The following MECOM variants were observed in gnomAD, a reference collection of about 807,000 sequenced individuals.
The protein encoded by MECOM is histone-lysine N-methyltransferase MECOM.
MECOM carries 13 observed loss-of-function variants against 116.3 expected under a neutral mutation model. The observed-to-expected ratio is 0.11, with a 90% CI of 0.07 to 0.18. MECOM has a LOEUF of 0.18. Ranked by LOEUF, MECOM falls within the 10% of genes least tolerant of loss-of-function variation. The pLI is 1.00. For synonymous variants in MECOM, 528 were observed against 535.2 expected, an observed-to-expected ratio of 0.99 and a Z score of 0.19; for missense variants, 1,299 against 1,509.0, an observed-to-expected ratio of 0.86 and a Z score of 2.31.
chr3:169,424,808 T>C (rs1032513142), intron 1 of MECOM, among the ~76,000 whole-genome samples: 1 of 152,204 alleles, frequency 6.6e-6, no homozygotes, highest in African/African-American at 2.4e-5. Context: ...TCTATTTTCC[T>C]GACATACTAG....
chr3:169,130,914 C>T (rs1734485075), intron 4 of MECOM, among the ~76,000 whole-genome samples: 1 of 151,994 alleles, frequency 6.6e-6, no homozygotes, highest in African/African-American at 2.4e-5. Context: ...TAGAATAGGC[C>T]TCTGGCAAAT....
chr3:169,370,632 AG>A (rs564543776), intron 2 of MECOM, among the ~76,000 whole-genome samples: 29 of 152,136 alleles, frequency 1.9e-4, no homozygotes, highest in Non-Finnish European at 3.7e-4. Context: ...ATATCTGGTA[AG>A]GGGCCAATAT....
chr3:169,131,448 A>T lies in MECOM; in HGVS notation c.594T>A (p.Thr198=). 6.2e-7 allele frequency: 1 copy of T among 1,614,056 alleles called. No individual in the cohort carries two copies. The highest frequency in any genetic ancestry group is 8.5e-7 in the Non-Finnish European group (1 of 1,180,004). ...FMKSEDYPHE[T]MAPDIHEERQ... is the part of the protein sequence containing the mutation. ...ACTAACCGTGGATATCCGGCGCCAT[A>T]GTTTCATGGGGATAGTCTTCGCTCT... Residue 198 remains threonine, a synonymous_variant, in exon 4 of 17, where the codon ACT becomes ACA. Coordinates refer to ENST00000651503, the MANE Select transcript of MECOM (RefSeq NM_004991.4).
At chr3:169,345,907 C>T (rs1450649386) in intron 2 of MECOM, among the ~76,000 whole-genome samples, 1 of 152,060 alleles carries the variant, frequency 6.6e-6, no homozygotes, top group Non-Finnish European at 1.5e-5. Context: ...CTGGTGAAAA[C>T]AATGAAAGCC....
At position 169,663,447 on chromosome 3, in the gene MECOM, C is replaced by A. The variant is rs1776588587; in HGVS notation, c.-75G>T. 7.0e-7 allele frequency: 1 copy of A among 1,424,538 alleles called. No individual in the cohort carries two copies. The highest frequency in any genetic ancestry group is 1.2e-5 in the South Asian group (1 of 81,474). 88.2% of individuals were successfully genotyped at this position (1,424,538 alleles called of 1,614,324 possible). ...TTGGATCCTTTCCTTCTTTTGCTCT[C>A]CCTCTCGCTCCCTCCCTCTCTCTCC... is the stretch of plus-strand genomic sequence containing the variant. On this transcript the variant is annotated 5_prime_UTR_variant, in exon 1 of 17. Transcript: ENST00000651503.
chr3:169,146,455 A>G, intron 2 of MECOM: 1 of 1,386,706 alleles, frequency 7.2e-7, no homozygotes, highest in Non-Finnish European at 9.6e-7. Flanking sequence ...AAAGAGGCCG[A>G]CAAGCCGGCA....
intron 1 of MECOM, among the ~76,000 whole-genome samples, chr3:169,615,241 C>A (rs1769854833): frequency 6.6e-6 from 1 of 152,200 alleles, no homozygotes; most frequent in African/African-American, 2.4e-5. Flanking sequence ...TCTCCTCTAG[C>A]CAACTATAAA....
intron 2 of MECOM, among the ~76,000 whole-genome samples, chr3:169,333,021 T>C (rs1435197697): frequency 2.6e-5 from 4 of 152,180 alleles, no homozygotes; most frequent in East Asian, 3.8e-4. Context: ...TAGAAAAATA[T>C]GATATTCTAA....
At chr3:169,595,307 A>G (rs1446600590) in intron 1 of MECOM, among the ~76,000 whole-genome samples, 4 of 152,192 alleles carry the variant, frequency 2.6e-5, no homozygotes, top group African/African-American at 4.8e-5. Context: ...CATACTACCC[A>G]CCAACGACTA....
At chr3:169,366,070 C>T (rs963180176) in intron 2 of MECOM, among the ~76,000 whole-genome samples, 5 of 152,052 alleles carry the variant, frequency 3.3e-5, no homozygotes, top group African/African-American at 1.2e-4. Flanking sequence ...CTCTTGCTCT[C>T]TGGTTCTCTC....
intron 2 of MECOM, among the ~76,000 whole-genome samples, chr3:169,215,265 CAG>C (rs1751281558): frequency 8.1e-6 from 1 of 123,762 alleles, no homozygotes; most frequent in African/African-American, 3.1e-5. Context: ...TTTAAAAAAG[CAG>C]ACTTTCTTCA....
At chr3:169,450,213 C>T (rs924637916) in intron 1 of MECOM, among the ~76,000 whole-genome samples, 2 of 152,154 alleles carry the variant, frequency 1.3e-5, no homozygotes, top group African/African-American at 4.8e-5. Flanking sequence ...ATGCTCAAGA[C>T]ACTAACGTAA....
At chr3:169,345,897 C>G (rs1725261965) in intron 2 of MECOM, among the ~76,000 whole-genome samples, 1 of 152,104 alleles carries the variant, frequency 6.6e-6, no homozygotes, top group Admixed American at 6.6e-5. Flanking sequence ...AGAGTCAACA[C>G]TGGTGAAAAC....
At chr3:169,313,813 G>T (rs61550744) in intron 2 of MECOM, among the ~76,000 whole-genome samples, 5 of 152,164 alleles carry the variant, frequency 3.3e-5, no homozygotes, top group Non-Finnish European at 7.4e-5. Context: ...ACTAGAGCTT[G>T]GGAATGGCCA....
At chr3:169,204,259 T>C (rs1238740633) in intron 2 of MECOM, among the ~76,000 whole-genome samples, 2 of 152,206 alleles carry the variant, frequency 1.3e-5, no homozygotes, top group African/African-American at 2.4e-5. Context: ...CTTTGGTAAC[T>C]CTTTAGAAAC....
chr3:169,568,325 G>GT lies in MECOM; in HGVS notation c.37+95010dup, dbSNP rs796978076. On this transcript the variant is annotated intron_variant, in intron 1 of 16. Transcript: ENST00000651503. ...GGCAGACACTGAGCTAGCTGCAGGA[G>GT]TTTTTTTTCATACCCCAGTGGCACC... Among the ~76,000 whole-genome samples the GT allele has an allele frequency of 7.6e-4, 116 of 152,094 alleles. 1 individual carries two copies. The highest frequency in any genetic ancestry group is 2.5e-3 in the African/African-American group (103 of 41,502).
intron 2 of MECOM, among the ~76,000 whole-genome samples, chr3:169,295,645 C>T (rs1400301208): frequency 3.3e-5 from 5 of 152,100 alleles, no homozygotes; most frequent in Non-Finnish European, 7.4e-5. Flanking sequence ...TATGTTTGAA[C>T]ATCAATGTTA....
At chr3:169,335,062 C>T (rs998767361) in intron 2 of MECOM, among the ~76,000 whole-genome samples, 100 of 152,222 alleles carry the variant, frequency 6.6e-4, no homozygotes, top group African/African-American at 2.1e-3. Flanking sequence ...TTATACAAAA[C>T]GCAGTTCATT....
intron 1 of MECOM, among the ~76,000 whole-genome samples, chr3:169,485,086 C>T (rs1030609126): frequency 1.3e-5 from 2 of 152,118 alleles, no homozygotes; most frequent in Non-Finnish European, 2.9e-5. Flanking sequence ...CCTCCACCCC[C>T]TGGGTTCAAG....
Sources: allele counts gnomAD v4.1 joint callset (sites outside exome capture counted in the v4.1 genomes callset), GRCh38; gene constraint gnomAD v4.1.1; transcripts MANE v1.5; gene names NCBI Gene and HGNC (gene_info 2026-07-23, HGNC 2026-07-21).